Variants in MAST1 observed in about 807,000 individuals in gnomAD.
MAST1 encodes microtubule associated serine/threonine kinase 1.
Under a neutral mutation model 124.6 loss-of-function variants are expected in MAST1, and 40 were observed. The observed-to-expected ratio is 0.32, with a 90% CI of 0.25 to 0.42. MAST1 has a LOEUF of 0.42. Ranked by LOEUF, MAST1 falls within the 10% of genes least tolerant of loss-of-function variation. MAST1 has a pLI of 1.00. For synonymous variants in MAST1, 938 were observed against 939.4 expected (o/e 1.00, Z 0.03); for missense variants, 1,558 against 2,181.9 (o/e 0.71, Z 5.70).
At chr19:12,858,841 C>T (rs1970047325) in intron 12 of MAST1, 102 bp downstream of exon 12, 1 of 1,087,846 alleles carries the variant, frequency 9.2e-7, no homozygotes, top group African/African-American at 1.6e-5. Context: ...GATTAGTCGG[C>T]CTGTATGTTT....
At position 12,840,523 on chromosome 19, in the gene MAST1, C is replaced by G; in HGVS notation, c.161C>G (p.Pro54Arg). ...CTACCGAGACCCCACTCCCCGCTGC[C>G]AGGTCACCTAGGTGAGGCCAGTGGT... Reference protein sequence around the residue: ...PTLPRPHSPLPGHLGSSPLDS... With the variant: ...PTLPRPHSPLRGHLGSSPLDS... Residue 54 changes from proline to arginine, a missense_variant, in exon 2 of 26, where the codon CCA becomes CGA. This residue lies in a region of MAST1 where 57 missense variants were observed against 35.3 expected (regional missense o/e 1.62). Coordinates refer to ENST00000251472, the MANE Select transcript of MAST1 (RefSeq NM_014975.3). 11 of 1,613,562 alleles carry G rather than the reference C, an allele frequency of 6.8e-6. No homozygotes were observed. Among genetic ancestry groups the G allele is most frequent in the Non-Finnish European group, 9.3e-6 (11 of 1,179,580 alleles).
At position 12,857,244 on chromosome 19, in the gene MAST1, C is replaced by A. The variant is rs1483707823; in HGVS notation, c.1078-1118C>A. On this transcript the variant is annotated intron_variant, in intron 10 of 25. Coordinates refer to ENST00000251472, the MANE Select transcript of MAST1 (RefSeq NM_014975.3). The stretch of plus-strand genomic sequence containing the variant: ...GATTACAGGCATGTGCCATCATGCC[C>A]AGCTGATTTTGTATTTTTAGTATAG... 1.6e-4 allele frequency among the ~76,000 whole-genome samples: 24 copies of A among 150,924 alleles called. 1 individual carries two copies. Among genetic ancestry groups the A allele is most frequent in the Admixed American group, 1.5e-3 (23 of 15,098 alleles).
Position 12,848,068 on chromosome 19 carries a change from G to A in MAST1, c.774+11G>A, listed in dbSNP as rs754592258. 1.2e-6 allele frequency: 2 copies of A among 1,610,924 alleles called. No homozygotes were observed. Among genetic ancestry groups the A allele is most frequent in the Non-Finnish European group, 1.7e-6 (2 of 1,178,478 alleles). On this transcript the variant is annotated intron_variant, in intron 7 of 25. Transcript: ENST00000251472. ...AAGCTCCTTCAAGACGTGAGTGCAC[G>A]CGGAGGCCGGGCTGATCTCAGGCTC... is the stretch of plus-strand genomic sequence containing the variant.
At chr19:12,859,719 A>G (rs1175066159) in intron 12 of MAST1, among the ~76,000 whole-genome samples, 2 of 151,714 alleles carry the variant, frequency 1.3e-5, no homozygotes, top group Non-Finnish European at 2.9e-5. Context: ...GTTTAAACAC[A>G]GGAAGCAGAG....
intron 10 of MAST1, among the ~76,000 whole-genome samples, chr19:12,853,850 A>G (rs1204269527): frequency 1.4e-5 from 2 of 147,958 alleles, no homozygotes; most frequent in Non-Finnish European, 3.0e-5. Flanking sequence ...AGCCTGGGCA[A>G]CAGAGCGAGA....
At chr19:12,849,275 C>T (rs1179722364) in intron 7 of MAST1, among the ~76,000 whole-genome samples, 1 of 152,100 alleles carries the variant, frequency 6.6e-6, no homozygotes, top group African/African-American at 2.4e-5. Flanking sequence ...GTAGTCCCAG[C>T]TAGCTACTTA....
chr19:12,847,791 C>A lies in MAST1; in HGVS notation c.565-57C>A. On this transcript the variant is annotated intron_variant, in intron 6 of 25. Transcript: ENST00000251472. This position sits in a 1 kb window ranked among gnomAD's most constrained non-coding sequence, Gnocchi z 5.5. ...GCGGCCTCGGTGCGCAGCGCAGGCTCCTGGCGGCCGCAGCCTTCGGGCACA... is the reference window on the plus strand; with the variant it reads ...GCGGCCTCGGTGCGCAGCGCAGGCTACTGGCGGCCGCAGCCTTCGGGCACA... 6.3e-7 allele frequency: 1 copy of A among 1,582,058 alleles called. No homozygotes were observed. Among genetic ancestry groups the A allele is most frequent in the Non-Finnish European group, 8.6e-7 (1 of 1,161,058 alleles).
In MAST1 at chr19:12,865,357, G is replaced by A. The variant is rs776097167; in HGVS notation, c.1680G>A (p.Leu560=). 1.2e-6 allele frequency: 2 copies of A among 1,609,658 alleles called. No homozygotes were observed. Among genetic ancestry groups the A allele is most frequent in the South Asian group, 2.2e-5 (2 of 90,526 alleles). Residue 560 remains leucine (L), a synonymous_variant, in exon 15 of 26, where the codon CTG becomes CTA. Coordinates refer to ENST00000251472, the MANE Select transcript of MAST1 (RefSeq NM_014975.3). The surrounding 1 kb of genome is among the most constrained non-coding windows in gnomAD (Gnocchi z 7.1). ...TPEYIAPEVI[L]RQGYGKPVDW... Reference sequence around the variant, plus strand: ...AGTACATCGCGCCCGAGGTCATCCTGCGTCAAGGCTACGGCAAGCCAGTGG... The same window carrying A: ...AGTACATCGCGCCCGAGGTCATCCTACGTCAAGGCTACGGCAAGCCAGTGG...
In MAST1 at chr19:12,872,135, G is replaced by C. The variant is rs189516399; in HGVS notation, c.3263+963G>C. Among the ~76,000 whole-genome samples the C allele has an allele frequency of 6.8e-4, 103 of 152,242 alleles. No individual in the cohort carries two copies. In the East Asian group the frequency reaches 0.019, roughly 28 times the overall value. ...ATGTGTTTAGACAGAACTGGGAAAG[G>C]CTAGAATAAGAAATGTCTATCTGGA... On this transcript the variant is annotated intron_variant, in intron 24 of 25. Coordinates refer to ENST00000251472, the MANE Select transcript of MAST1 (RefSeq NM_014975.3).
intron 4 of MAST1, among the ~76,000 whole-genome samples, chr19:12,844,435 T>G (rs1030223570): frequency 3.3e-5 from 5 of 152,070 alleles, no homozygotes; most frequent in Non-Finnish European, 7.4e-5. Context: ...GCAGCCCTCA[T>G]GGGGGAAGAC....
intron 12 of MAST1, among the ~76,000 whole-genome samples, chr19:12,862,946 C>T (rs772956653): frequency 6.6e-6 from 1 of 151,556 alleles, no homozygotes; most frequent in Non-Finnish European, 1.5e-5. Context: ...GGATTACAGG[C>T]GTGAGCCACT....
At chr19:12,858,891 C>T (rs1472542416) in intron 12 of MAST1, 152 bp downstream of exon 12, 3 of 702,236 alleles carry the variant, frequency 4.3e-6, no homozygotes, top group Non-Finnish European at 7.3e-6. Flanking sequence ...TTTGTCCATC[C>T]ATTCTACCTA....
In MAST1 at chr19:12,847,855, C is replaced by A; in HGVS notation, c.572C>A (p.Ala191Glu). Residue 191 changes from alanine to glutamate, a missense_variant, in exon 7 of 26, where the codon GCG (alanine) becomes GAG (glutamate). This residue lies in a region of MAST1 where 165 missense variants were observed against 315.3 expected (regional missense o/e 0.52). Coordinates refer to ENST00000251472, the MANE Select transcript of MAST1 (RefSeq NM_014975.3). This position sits in a 1 kb window ranked among gnomAD's most constrained non-coding sequence, Gnocchi z 5.5. ...CCTCCGTCCCTCCCGCAGGCCACTG[C>A]GCAGATGGAGGAGAAGCTGCGCGAC... Reference protein sequence around the residue: ...VYKERFPKATAQMEEKLRDFT... With the variant: ...VYKERFPKATEQMEEKLRDFT... 1 of 1,609,722 alleles carries A rather than the reference C, an allele frequency of 6.2e-7. No homozygotes were observed. The highest frequency in any genetic ancestry group is 8.5e-7 in the Non-Finnish European group (1 of 1,178,292).
chr19:12,842,631 T>A (rs938798404), intron 3 of MAST1, among the ~76,000 whole-genome samples: 8 of 152,200 alleles, frequency 5.3e-5, no homozygotes, highest in African/African-American at 1.9e-4. Flanking sequence ...CACATGCACA[T>A]GCTAATGTGT....
In MAST1 at chr19:12,873,280, T is replaced by C. The variant is rs146258465; in HGVS notation, c.3264-44T>C. ...GTGAAATGGGAGGAGCCCTGAGCTC[T>C]GGCGTCCAGGTCAAGGACGCTTGGC... On this transcript the variant is annotated intron_variant, in intron 24 of 25. Transcript: ENST00000251472. 2.8e-4 allele frequency: 443 copies of C among 1,578,138 alleles called. 1 individual carries two copies. In the African/African-American group the frequency reaches 5.6e-3, roughly 20 times the overall value.
Position 12,874,090 on chromosome 19 carries a change from C to T in MAST1, c.3933C>T (p.Asp1311=), listed in dbSNP as rs752364814. ...CGCTGCATAGCCTTGCCGAGTCCGA[C>T]GGTGAGACGCCCCCAGTCGAGGGCC... ...ELALHSLAES[D]GETPPVEGLG... is the part of the protein sequence containing the mutation. Residue 1311 remains aspartate, a synonymous_variant, in exon 26 of 26, where the codon GAC becomes GAT. Coordinates refer to ENST00000251472, the MANE Select transcript of MAST1 (RefSeq NM_014975.3). The surrounding 1 kb of genome is among the most constrained non-coding windows in gnomAD (Gnocchi z 6.6). 1.9e-6 allele frequency: 3 copies of T among 1,567,920 alleles called. No homozygotes were observed. The highest frequency in any genetic ancestry group is 2.3e-5 in the South Asian group (2 of 85,926).
chr19:12,858,487 G>T (rs1187726301), intron 11 of MAST1, 44 bp from the exon 12 acceptor site: 1 of 1,611,930 alleles, frequency 6.2e-7, no homozygotes, highest in Admixed American at 1.7e-5. Context: ...CGGAGGCCGG[G>T]TGTCTCGGAG....
At chr19:12,858,886 C>G (rs1242255445) in intron 12 of MAST1, 147 bp downstream of exon 12, 2 of 734,146 alleles carry the variant, frequency 2.7e-6, no homozygotes, top group Non-Finnish European at 4.6e-6. Flanking sequence ...ATTGATTTGT[C>G]CATCCATTCT....
Position 12,858,640 on chromosome 19 carries a change from C to A in MAST1, c.1267C>A (p.Arg423Ser). The change falls in exon 12 of 26, where the codon CGC becomes AGC. Residue 423 changes from arginine (R) to serine (S), a missense_variant. Physicochemically the swap from Arg to Ser is moderately radical, Grantham distance 110 (BLOSUM62 -1). Transcript: ENST00000251472. The stretch of plus-strand genomic sequence containing the variant: ...CCAGATCCAGCAGGCCTTTGTGGAG[C>A]GCGATATCCTCACCTTCGCCGAGAA... ...RNQIQQAFVE[R>S]DILTFAENPF... 1 of 1,614,214 alleles carries A rather than the reference C, an allele frequency of 6.2e-7. No homozygotes were observed. Among genetic ancestry groups the A allele is most frequent in the South Asian group, 1.1e-5 (1 of 91,088 alleles).
Sources: allele counts gnomAD v4.1 joint callset (sites outside exome capture counted in the v4.1 genomes callset), GRCh38; gene constraint gnomAD v4.1.1; regional missense constraint gnomAD v4.1.1; non-coding constraint Gnocchi (gnomAD v3.1); transcripts MANE v1.5; gene names NCBI Gene and HGNC (gene_info 2026-07-23, HGNC 2026-07-21).